Variants in SLC67A2 observed in about 807,000 individuals in gnomAD.
SLC67A2 encodes the protein solute carrier family 67 member 2, also known as solute carrier family 67 member A2.
At chr2:102,718,115 T>C in the SLC67A2 span, 1 of 304,918 alleles carries the variant, frequency 3.3e-6, no homozygotes, top group Non-Finnish European at 6.1e-6. Context: ...GGTAGTTTGT[T>C]TACCCTTGAA....
the SLC67A2 span, chr2:102,724,026 G>A: frequency 1.2e-6 from 1 of 857,270 alleles, no homozygotes; most frequent in South Asian, 1.5e-5. Context: ...TTCTTTGGAA[G>A]GCAGCTATGC....
chr2:102,717,450 A>G, the SLC67A2 span: 1 of 152,270 alleles, frequency 6.6e-6, no homozygotes. Flanking sequence ...TGGCTTCACC[A>G]CTGGGTTCTG....
chr2:102,732,932 A>G, the SLC67A2 span, among the ~76,000 whole-genome samples: 1 of 152,220 alleles, frequency 6.6e-6, no homozygotes, highest in Non-Finnish European at 1.5e-5. Flanking sequence ...GGTCAGGCAG[A>G]CAGTTCTCAA....
At chr2:102,719,005 C>T in the SLC67A2 span, 13 of 1,614,244 alleles carry the variant, frequency 8.1e-6, no homozygotes, top group Admixed American at 2.0e-4. Flanking sequence ...CGGAAAACAG[C>T]AGGTTCTTCA....
the SLC67A2 span, among the ~76,000 whole-genome samples, chr2:102,735,480 C>G: frequency 6.6e-6 from 1 of 152,170 alleles, no homozygotes; most frequent in Non-Finnish European, 1.5e-5. Context: ...CCTGCCAGGG[C>G]CCAGTGCCAT....
the SLC67A2 span, among the ~76,000 whole-genome samples, chr2:102,729,181 T>C: frequency 2.0e-5 from 3 of 152,190 alleles, no homozygotes; most frequent in African/African-American, 7.2e-5. Context: ...AGGTTTTCAT[T>C]AAATTTCAGC....
the SLC67A2 span, chr2:102,726,736 G>T: frequency 7.0e-7 from 1 of 1,438,156 alleles, no homozygotes; most frequent in Non-Finnish European, 9.3e-7. Context: ...AGCAAGTAAG[G>T]ATGTTGAGCA....
At chr2:102,729,147 C>T in the SLC67A2 span, among the ~76,000 whole-genome samples, 1 of 152,040 alleles carries the variant, frequency 6.6e-6, no homozygotes, top group Non-Finnish European at 1.5e-5. Flanking sequence ...CTAGGAATTT[C>T]TGTATCTTAA....
chr2:102,716,090 G>A, the SLC67A2 span: 1 of 152,116 alleles, frequency 6.6e-6, no homozygotes, highest in East Asian at 1.9e-4. Flanking sequence ...ATGAGAAAAG[G>A]TGCACCTAAA....
At chr2:102,714,770 T>C in the SLC67A2 span, among the ~76,000 whole-genome samples, 1 of 152,166 alleles carries the variant, frequency 6.6e-6, no homozygotes, top group East Asian at 1.9e-4. Context: ...CCTGGCTAAA[T>C]CTGTGGTAAC....
chr2:102,719,972 C>T, the SLC67A2 span, among the ~76,000 whole-genome samples: 1 of 152,318 alleles, frequency 6.6e-6, no homozygotes, highest in East Asian at 1.9e-4. Flanking sequence ...CGCAGTGGCT[C>T]TAACCGCCAC....
the SLC67A2 span, chr2:102,726,988 GAAAAAGC>G: frequency 6.2e-7 from 1 of 1,610,354 alleles, no homozygotes; most frequent in Non-Finnish European, 8.5e-7. Context: ...AGGAAAGTAA[GAAAAAGC>G]CCTTGGACCC....
the SLC67A2 span, chr2:102,718,705 G>A: frequency 6.2e-7 from 1 of 1,613,972 alleles, no homozygotes; most frequent in Non-Finnish European, 8.5e-7. Flanking sequence ...GGAGAGTGGA[G>A]GAGAGGACAA....
the SLC67A2 span, chr2:102,731,924 G>A: frequency 3.9e-3 from 1,230 of 314,558 alleles, 26 homozygotes; most frequent in East Asian, 0.043. Flanking sequence ...AATGTTCACC[G>A]AAACCCTTTC....
the SLC67A2 span, among the ~76,000 whole-genome samples, chr2:102,725,715 G>A: frequency 4.6e-5 from 7 of 152,048 alleles, no homozygotes; most frequent in Non-Finnish European, 7.3e-5. Context: ...ATGTTGGGGG[G>A]GCTGAACTCT....
the SLC67A2 span, chr2:102,716,335 T>A: frequency 6.6e-6 from 1 of 152,220 alleles, no homozygotes; most frequent in Non-Finnish European, 1.5e-5. Flanking sequence ...TGAAGGACAA[T>A]CTTTGAGATC....
At chr2:102,734,073 T>A in the SLC67A2 span, among the ~76,000 whole-genome samples, 1 of 152,214 alleles carries the variant, frequency 6.6e-6, no homozygotes, top group Non-Finnish European at 1.5e-5. Context: ...GCATTTGGCA[T>A]CTGGTCATGT....
chr2:102,732,497 C>G, the SLC67A2 span: 11 of 1,098,136 alleles, frequency 1.0e-5, no homozygotes, highest in East Asian at 1.0e-4. Flanking sequence ...AAAATAAAAC[C>G]AATATCTAAA....
chr2:102,734,589 C>A, the SLC67A2 span, among the ~76,000 whole-genome samples: 1 of 151,904 alleles, frequency 6.6e-6, no homozygotes. Flanking sequence ...TGTTACCTAA[C>A]AATCATCTGT....
Sources: gnomAD v4.1 joint callset for allele counts (sites outside exome capture counted in the v4.1 genomes callset) on GRCh38, gnomAD v4.1.1 for gene constraint, MANE v1.5 for transcripts, NCBI Gene and HGNC (gene_info 2026-07-23, HGNC 2026-07-21) for gene names.